PRKD1: variants seen among roughly 807,000 people sequenced by gnomAD.
The protein encoded by PRKD1 is serine/threonine-protein kinase D1.
Under a neutral mutation model 95.9 loss-of-function variants are expected in PRKD1, and 63 were observed. The ratio of observed to expected loss-of-function variants is 0.66; its 90% CI spans 0.54 to 0.81. PRKD1 has a LOEUF of 0.81. PRKD1 is among the 30% of genes least tolerant of loss of function. The pLI, the probability that PRKD1 is intolerant of heterozygous loss-of-function variation, is 0.00. For synonymous variants in PRKD1, 425 were observed against 423.1 expected (o/e 1.00, Z -0.05); for missense variants, 1,048 against 1,165.3 (o/e 0.90, Z 1.47).
At position 29,749,640 on chromosome 14, in the gene PRKD1, T is replaced by C. The variant is rs184851518; in HGVS notation, c.265-23966A>G. On this transcript the variant is annotated intron_variant, in intron 1 of 17. Coordinates refer to ENST00000331968, the MANE Select transcript of PRKD1 (RefSeq NM_002742.3). ...GGGTGTTACCTTCCTTATCCATGTG[T>C]ATATAAATCACATAAAGTTGTGGGT... is the stretch of plus-strand genomic sequence containing the variant. 1.1e-3 allele frequency among the ~76,000 whole-genome samples: 173 copies of C among 152,300 alleles called. 2 individuals carry two copies. Among genetic ancestry groups the C allele is most frequent in the East Asian group, 2.3e-3 (12 of 5,176 alleles).
chr14:29,858,143 T>C (rs929277183), intron 1 of PRKD1, among the ~76,000 whole-genome samples: 1 of 152,182 alleles, frequency 6.6e-6, no homozygotes, highest in Non-Finnish European at 1.5e-5. Flanking sequence ...AACAAATAAA[T>C]GAACAGATAC....
intron 1 of PRKD1, among the ~76,000 whole-genome samples, chr14:29,742,186 T>A (rs1887008541): frequency 6.6e-6 from 1 of 152,160 alleles, no homozygotes; most frequent in African/African-American, 2.4e-5. Flanking sequence ...TCTCCCCTTG[T>A]AAAATGCTGT....
chr14:29,675,368 T>A (rs868855515), intron 2 of PRKD1, among the ~76,000 whole-genome samples: 4 of 152,186 alleles, frequency 2.6e-5, no homozygotes, highest in Non-Finnish European at 5.9e-5. Context: ...ACAGAACAAT[T>A]CCCAAATTTT....
At chr14:29,834,649 A>G (rs779075806) in intron 1 of PRKD1, among the ~76,000 whole-genome samples, 8 of 152,050 alleles carry the variant, frequency 5.3e-5, no homozygotes, top group Admixed American at 1.3e-4. Context: ...TATTAGTGTT[A>G]TTGATCTTGT....
intron 1 of PRKD1, among the ~76,000 whole-genome samples, chr14:29,886,454 T>A (rs1893709517): frequency 6.6e-6 from 1 of 152,132 alleles, no homozygotes; most frequent in South Asian, 2.1e-4. Context: ...CACTCTCTCA[T>A]CCTCTCTCCC....
intron 1 of PRKD1, among the ~76,000 whole-genome samples, chr14:29,774,979 A>T (rs563069557): frequency 1.3e-5 from 2 of 152,332 alleles, no homozygotes; most frequent in South Asian, 4.1e-4. Flanking sequence ...ATGCCTAAAG[A>T]GATGAGCAAT....
At position 29,773,336 on chromosome 14, in the gene PRKD1, G is replaced by A. The variant is rs531319708; in HGVS notation, c.265-47662C>T. 1.8e-4 allele frequency among the ~76,000 whole-genome samples: 27 copies of A among 151,782 alleles called. No individual in the cohort carries two copies. The East Asian group carries it at 3.7e-3, about 21-fold the overall frequency. ...TTAGCTGGGCATGGTGGCACGTGCC[G>A]GTAATCCTAGCTACTCGGGAGGCTG... On this transcript the variant is annotated intron_variant, in intron 1 of 17. Coordinates refer to ENST00000331968, the MANE Select transcript of PRKD1 (RefSeq NM_002742.3).
intron 1 of PRKD1, among the ~76,000 whole-genome samples, chr14:29,926,648 C>G (rs1243153598): frequency 6.6e-6 from 1 of 152,130 alleles, no homozygotes; most frequent in Non-Finnish European, 1.5e-5. Flanking sequence ...ATAGGAAGGT[C>G]GCAACTTTCA....
rs1016975195 is a variant in PRKD1 at position 29,639,046 on chromosome 14, T to A, written c.697-142A>T. Reference sequence around the variant, plus strand: ...TGAAATCATACTGTATTTCTGTTAATTAATATAATTTACTTGCCTTCCCCA... The same window carrying A: ...TGAAATCATACTGTATTTCTGTTAAATAATATAATTTACTTGCCTTCCCCA... On this transcript the variant is annotated intron_variant, in intron 4 of 17. Transcript: ENST00000331968. 3.4e-5 allele frequency: 21 copies of A among 615,546 alleles called. No individual in the cohort carries two copies. In the African/African-American group the frequency reaches 3.9e-4, roughly 11 times the overall value. The allele number at this position is 615,546 out of a possible 1,614,324, so 38.1% of individuals were successfully genotyped here. A position where few individuals can be genotyped will look rare whatever the true frequency, so the allele number is the denominator to read the frequency against.
chr14:29,777,267 T>A (rs1480099647), intron 1 of PRKD1, among the ~76,000 whole-genome samples: 1 of 152,152 alleles, frequency 6.6e-6, no homozygotes, highest in Non-Finnish European at 1.5e-5. Flanking sequence ...TAAATCATAA[T>A]GACAAGATCA....
At chr14:29,661,493 G>A (rs1231797384) in intron 4 of PRKD1, among the ~76,000 whole-genome samples, 4 of 152,232 alleles carry the variant, frequency 2.6e-5, no homozygotes, top group Middle Eastern at 3.4e-3. Flanking sequence ...TGCCTTGGTC[G>A]AGCAGGGTGC....
chr14:29,763,679 G>GT (rs2139122215), intron 1 of PRKD1, among the ~76,000 whole-genome samples: 1 of 152,220 alleles, frequency 6.6e-6, no homozygotes, highest in South Asian at 2.1e-4. Flanking sequence ...GATGTTCAAA[G>GT]TAACTGAGGA....
intron 1 of PRKD1, among the ~76,000 whole-genome samples, chr14:29,855,079 G>C (rs898533759): frequency 6.6e-6 from 1 of 152,220 alleles, no homozygotes; most frequent in Non-Finnish European, 1.5e-5. Context: ...GTGTGGAAGG[G>C]AAATGTGGGG....
chr14:29,746,890 C>A (rs991922931), intron 1 of PRKD1, among the ~76,000 whole-genome samples: 5 of 152,074 alleles, frequency 3.3e-5, no homozygotes, highest in African/African-American at 9.7e-5. Flanking sequence ...TCTCAGCTAA[C>A]AAATATTAAT....
At chr14:29,732,892 G>T (rs1301216036) in intron 1 of PRKD1, among the ~76,000 whole-genome samples, 1 of 147,316 alleles carries the variant, frequency 6.8e-6, no homozygotes, top group Non-Finnish European at 1.5e-5. Context: ...TAAACAATTT[G>T]ATAGTGATGT....
rs1888630919 is a variant in PRKD1 at position 29,774,118 on chromosome 14, T to C, written c.265-48444A>G. Among the ~76,000 whole-genome samples the C allele has an allele frequency of 2.0e-5, 3 of 152,186 alleles. No individual in the cohort carries two copies. The South Asian group carries it at 6.2e-4, about 32-fold the overall frequency. The stretch of plus-strand genomic sequence containing the variant: ...GGGTGTGGATAAGCTCATGGGAGAA[T>C]CAACCGCAAAAACAAACACCTTCTC... On this transcript the variant is annotated intron_variant, in intron 1 of 17. Transcript: ENST00000331968.
chr14:29,745,452 A>C lies in PRKD1; in HGVS notation c.265-19778T>G, dbSNP rs963505411. On this transcript the variant is annotated intron_variant, in intron 1 of 17. Coordinates refer to ENST00000331968, the MANE Select transcript of PRKD1 (RefSeq NM_002742.3). ...GAGCTGTTTTATCTCACAAAGTATT[A>C]AGGGAATTAGTTAATCATTATTGTT... Among the ~76,000 whole-genome samples, 10 of 152,266 alleles carry C rather than the reference A, an allele frequency of 6.6e-5. No homozygotes were observed. The South Asian group carries it at 2.1e-3, about 32-fold the overall frequency.
intron 16 of PRKD1, among the ~76,000 whole-genome samples, chr14:29,588,943 T>C (rs1036946650): frequency 1.3e-5 from 2 of 152,006 alleles, no homozygotes; most frequent in African/African-American, 4.8e-5. Flanking sequence ...GACTCGGGAA[T>C]AGGTGCTTCT....
chr14:29,844,875 C>T (rs79508905), intron 1 of PRKD1, among the ~76,000 whole-genome samples: 17,172 of 152,080 alleles, frequency 0.11, 1,093 homozygotes, highest in East Asian at 0.25. Context: ...GATATCCGTT[C>T]TGGTCAGAAA....
Sources: allele counts gnomAD v4.1 joint callset (sites outside exome capture counted in the v4.1 genomes callset), GRCh38; gene constraint gnomAD v4.1.1; transcripts MANE v1.5; gene names NCBI Gene and HGNC (gene_info 2026-07-23, HGNC 2026-07-21).